TINAG: variants seen among roughly 807,000 people sequenced by gnomAD.
TINAG encodes the protein tubulointerstitial nephritis antigen.
TINAG carries 83 observed loss-of-function variants against 72.7 expected under a neutral mutation model. The observed-to-expected ratio is 1.14, with a 90% CI of 0.96 to 1.37. The LOEUF (loss-of-function observed/expected upper bound fraction) is 1.37, where lower values mean the gene tolerates loss of function less well. Among genes scored for constraint, TINAG ranks in the 40% most tolerant of loss-of-function variants. TINAG has a pLI of 0.00. For synonymous variants in TINAG, 234 were observed against 189.9 expected (o/e 1.23, Z -1.91); for missense variants, 685 against 576.6 (o/e 1.19, Z -1.93).
At chr6:54,332,457 A>G (rs1784763695) in intron 4 of TINAG, among the ~76,000 whole-genome samples, 1 of 152,186 alleles carries the variant, frequency 6.6e-6, no homozygotes, top group South Asian at 2.1e-4. Context: ...CACCTTATAC[A>G]AAAATTAACT....
At chr6:54,323,756 C>A (rs111285111) in intron 3 of TINAG, among the ~76,000 whole-genome samples, 2,606 of 152,226 alleles carry the variant, frequency 0.017, 92 homozygotes, top group African/African-American at 0.06. Flanking sequence ...GAGTTTGAGA[C>A]CAGCCTGGCC....
chr6:54,330,702 C>T (rs1784718403), intron 4 of TINAG, among the ~76,000 whole-genome samples: 1 of 152,032 alleles, frequency 6.6e-6, no homozygotes, highest in Non-Finnish European at 1.5e-5. Flanking sequence ...AACAGATAGA[C>T]CGCTAGCCAG....
intron 9 of TINAG, among the ~76,000 whole-genome samples, chr6:54,366,841 T>C (rs1375273202): frequency 2.6e-5 from 4 of 151,584 alleles, no homozygotes; most frequent in Non-Finnish European, 5.9e-5. Context: ...CCAGGAAATA[T>C]GAGCAGGAAA....
At chr6:54,345,659 T>C (rs952330996) in intron 5 of TINAG, among the ~76,000 whole-genome samples, 2 of 152,114 alleles carry the variant, frequency 1.3e-5, no homozygotes, top group South Asian at 4.1e-4. Context: ...AATTATTTTC[T>C]TGAGACTATC....
intron 9 of TINAG, among the ~76,000 whole-genome samples, chr6:54,356,426 A>C (rs1763043397): frequency 6.6e-6 from 1 of 151,854 alleles, no homozygotes; most frequent in African/African-American, 2.4e-5. Context: ...AATCCCAGCT[A>C]CTCAGGAGGC....
intron 8 of TINAG, 88 bp from the exon 9 acceptor site, chr6:54,354,424 AC>A: frequency 8.3e-7 from 1 of 1,211,488 alleles, no homozygotes; most frequent in African/African-American, 1.6e-5. Context: ...CTTGCAATTT[AC>A]CCATTGGTTG....
chr6:54,363,613 G>A (rs1167924282), intron 9 of TINAG, among the ~76,000 whole-genome samples: 4 of 129,852 alleles, frequency 3.1e-5, no homozygotes, highest in Admixed American at 7.4e-5. Context: ...AAGTGCCAAC[G>A]GGTATCAAAA....
chr6:54,318,518 C>T (rs1340668), intron 1 of TINAG, among the ~76,000 whole-genome samples: 5,450 of 152,190 alleles, frequency 0.036, 166 homozygotes, highest in East Asian at 0.11. Flanking sequence ...TACTATTATG[C>T]TAATCCTTCA....
Position 54,354,417 on chromosome 6 carries a change from G to T in TINAG, c.1127-96G>T. ...AGCCCCTTCTTAGATTCATCTCCTT[G>T]CAATTTACCCATTGGTTGTTCCGTG... On this transcript the variant is annotated intron_variant, in intron 8 of 10. Transcript: ENST00000259782. 6.1e-6 allele frequency: 7 copies of T among 1,139,734 alleles called. No individual in the cohort carries two copies. In the South Asian group the frequency reaches 9.6e-5, roughly 16 times the overall value. The allele number at this position is 1,139,734 out of a possible 1,614,324, so 70.6% of individuals were successfully genotyped here.
intron 9 of TINAG, among the ~76,000 whole-genome samples, chr6:54,372,736 AT>A: frequency 2.0e-4 from 1 of 4,916 alleles, no homozygotes; most frequent in South Asian, 4.6e-3. Flanking sequence ...ACATATATAT[AT>A]ATATATATAT....
chr6:54,317,077 AG>A (rs753901919), intron 1 of TINAG, among the ~76,000 whole-genome samples: 13 of 152,046 alleles, frequency 8.6e-5, no homozygotes, highest in Admixed American at 8.5e-4. Flanking sequence ...GAGAAAGTAA[AG>A]CTACCGGACA....
chr6:54,316,683 T>TA (rs1784380400), intron 1 of TINAG, among the ~76,000 whole-genome samples: 1 of 152,146 alleles, frequency 6.6e-6, no homozygotes, highest in African/African-American at 2.4e-5. Flanking sequence ...ATTCAAGAAG[T>TA]GAAGTTTTGA....
chr6:54,347,430 A>C lies in TINAG; in HGVS notation c.812A>C (p.Gln271Pro). Residue 271 changes from glutamine to proline, a missense_variant, in exon 6 of 11, where the codon CAG becomes CCG. By Grantham distance (76) the Gln-to-Pro change is moderately conservative. Coordinates refer to ENST00000259782, the MANE Select transcript of TINAG (RefSeq NM_014464.4). ...KGRYTANLSP[Q>P]NLISCCAKNR... is the part of the protein sequence containing the mutation. ...CGATACACGGCCAATCTATCCCCTC[A>C]GAATTTGATCTCTTGCTGTGCCAAG... 6.2e-7 allele frequency: 1 copy of C among 1,613,374 alleles called. No homozygotes were observed. Among genetic ancestry groups the C allele is most frequent in the Non-Finnish European group, 8.5e-7 (1 of 1,179,600 alleles).
In TINAG at chr6:54,334,061, A is replaced by T. The variant is rs540916176; in HGVS notation, c.624+7145A>T. Among the ~76,000 whole-genome samples the T allele has an allele frequency of 1.2e-4, 18 of 152,278 alleles. No individual in the cohort carries two copies. In the South Asian group the frequency reaches 3.3e-3, roughly 28 times the overall value. ...GAGGTGTTATCATCTGCTACTAGGT[A>T]TCTTGCACAAAGAAGTTTCTACCTC... On this transcript the variant is annotated intron_variant, in intron 4 of 10. Coordinates refer to ENST00000259782, the MANE Select transcript of TINAG (RefSeq NM_014464.4).
At chr6:54,364,574 G>T (rs1182304565) in intron 9 of TINAG, among the ~76,000 whole-genome samples, 1 of 151,156 alleles carries the variant, frequency 6.6e-6, no homozygotes, top group East Asian at 1.9e-4. Context: ...GTGATTTTAG[G>T]ATTCTTTAGT....
intron 3 of TINAG, among the ~76,000 whole-genome samples, chr6:54,323,075 C>A (rs1026969974): frequency 6.6e-6 from 1 of 152,170 alleles, no homozygotes; most frequent in Non-Finnish European, 1.5e-5. Flanking sequence ...TACTTTTGCA[C>A]CAACCTAATA....
At chr6:54,337,000 A>G (rs560856441) in intron 4 of TINAG, among the ~76,000 whole-genome samples, 5 of 152,072 alleles carry the variant, frequency 3.3e-5, no homozygotes, top group Non-Finnish European at 7.4e-5. Flanking sequence ...TTAAAGTAAA[A>G]TAATACTTTA....
At chr6:54,375,345 A>G (rs1372390109) in intron 9 of TINAG, among the ~76,000 whole-genome samples, 2 of 152,208 alleles carry the variant, frequency 1.3e-5, no homozygotes, top group Non-Finnish European at 2.9e-5. Flanking sequence ...GTTTATGTGT[A>G]GAGCCATATC....
At chr6:54,320,917 A>G (rs76753247) in intron 2 of TINAG, among the ~76,000 whole-genome samples, 2,661 of 152,284 alleles carry the variant, frequency 0.017, 78 homozygotes, top group African/African-American at 0.061. Flanking sequence ...CCTCTTAATT[A>G]TAATATTCTG....
Sources: allele counts gnomAD v4.1 joint callset (sites outside exome capture counted in the v4.1 genomes callset), GRCh38; gene constraint gnomAD v4.1.1; transcripts MANE v1.5; gene names NCBI Gene and HGNC (gene_info 2026-07-23, HGNC 2026-07-21).